Variants in TNNI3K observed in about 807,000 individuals in gnomAD.
The protein encoded by TNNI3K is TNNI3 interacting kinase.
A neutral mutation model predicts 114.5 loss-of-function variants in TNNI3K; 140 were observed. The ratio of observed to expected loss-of-function variants is 1.22; its 90% CI spans 1.07 to 1.41. TNNI3K has a LOEUF of 1.41. Ranked by LOEUF, TNNI3K falls within the 40% of genes most tolerant of loss-of-function variation. TNNI3K has a pLI of 0.00. For synonymous variants in TNNI3K, 347 were observed against 347.5 expected (o/e 1.00, Z 0.02); for missense variants, 1,125 against 1,007.6 (o/e 1.12, Z -1.58).
At chr1:74,534,760 G>T (rs1280137488) in intron 23 of TNNI3K, among the ~76,000 whole-genome samples, 2 of 152,074 alleles carry the variant, frequency 1.3e-5, no homozygotes, top group South Asian at 4.1e-4. Flanking sequence ...TTGTTTAGCA[G>T]TTCTGGATTT....
intron 3 of TNNI3K, 24 bp from the exon 4 acceptor site, chr1:74,250,648 C>G: frequency 6.2e-7 from 1 of 1,604,802 alleles, no homozygotes; most frequent in South Asian, 1.1e-5. Context: ...AATGATTTAG[C>G]CTTTTTTCAT....
At chr1:74,325,479 T>C (rs776607301) in intron 5 of TNNI3K, among the ~76,000 whole-genome samples, 1 of 152,164 alleles carries the variant, frequency 6.6e-6, no homozygotes, top group Non-Finnish European at 1.5e-5. Context: ...AGAAACTGTG[T>C]CCCTGGTGAC....
chr1:74,349,927 T>C (rs555981436), intron 9 of TNNI3K, among the ~76,000 whole-genome samples: 73 of 152,350 alleles, frequency 4.8e-4, no homozygotes, highest in Non-Finnish European at 7.6e-4. Context: ...AACCAGCTCC[T>C]GGATTCATTG....
intron 21 of TNNI3K, 67 bp downstream of exon 21, chr1:74,463,617 C>T: frequency 1.3e-6 from 2 of 1,551,748 alleles, no homozygotes; most frequent in Non-Finnish European, 1.8e-6. Flanking sequence ...TAGTATAACT[C>T]CAAAGTCTAC....
intron 23 of TNNI3K, among the ~76,000 whole-genome samples, chr1:74,506,194 A>T (rs1334602404): frequency 2.0e-5 from 3 of 152,256 alleles, no homozygotes; most frequent in African/African-American, 7.2e-5. Context: ...TCTGTGACAT[A>T]GAACAGAAAT....
At chr1:74,251,505 A>C (rs954046717) in intron 4 of TNNI3K, among the ~76,000 whole-genome samples, 3 of 152,228 alleles carry the variant, frequency 2.0e-5, no homozygotes, top group Non-Finnish European at 4.4e-5. Flanking sequence ...ACTTTACAGA[A>C]AATGCAATTA....
chr1:74,305,353 A>G (rs1044885450), intron 5 of TNNI3K, among the ~76,000 whole-genome samples: 3 of 152,210 alleles, frequency 2.0e-5, no homozygotes, highest in African/African-American at 7.2e-5. Context: ...ACATGCTTTC[A>G]GGATCAATAC....
chr1:74,352,033 G>A (rs150455826), intron 9 of TNNI3K, among the ~76,000 whole-genome samples: 3,769 of 152,270 alleles, frequency 0.025, 170 homozygotes, highest in African/African-American at 0.087. Context: ...CTTTGGAGGA[G>A]GAGAGGTGCT....
chr1:74,534,668 A>G (rs1035251426), intron 23 of TNNI3K, among the ~76,000 whole-genome samples: 1 of 152,218 alleles, frequency 6.6e-6, no homozygotes, highest in African/African-American at 2.4e-5. Context: ...GGATTAAATT[A>G]CATAGAGTTT....
At chr1:74,264,588 T>G (rs1423723189) in intron 4 of TNNI3K, among the ~76,000 whole-genome samples, 2 of 152,138 alleles carry the variant, frequency 1.3e-5, no homozygotes, top group African/African-American at 4.8e-5. Context: ...TTTATTTATA[T>G]GTCCCTATTT....
At chr1:74,347,353 G>C (rs1661068034) in intron 9 of TNNI3K, among the ~76,000 whole-genome samples, 1 of 151,924 alleles carries the variant, frequency 6.6e-6, no homozygotes, top group South Asian at 2.1e-4. Flanking sequence ...TGGCTGCATA[G>C]TATTCCATGG....
chr1:74,401,710 C>T, intron 17 of TNNI3K: 2 of 366,316 alleles, frequency 5.5e-6, no homozygotes, highest in Non-Finnish European at 1.1e-5. Flanking sequence ...GAGAAAATAA[C>T]AGAAGAAATA....
intron 17 of TNNI3K, among the ~76,000 whole-genome samples, chr1:74,430,456 A>G (rs1198482951): frequency 6.6e-6 from 1 of 152,134 alleles, no homozygotes. Context: ...AACACAACAC[A>G]CACACATATG....
At chr1:74,524,534 A>G (rs1646477245) in intron 23 of TNNI3K, among the ~76,000 whole-genome samples, 1 of 152,090 alleles carries the variant, frequency 6.6e-6, no homozygotes, top group Non-Finnish European at 1.5e-5. Flanking sequence ...AGTCACATAA[A>G]TCTCTTCTGG....
chr1:74,543,797 T>C (rs761164090), intron 24 of TNNI3K, 109 bp from the exon 25 acceptor site: 3 of 1,210,716 alleles, frequency 2.5e-6, no homozygotes, highest in Non-Finnish European at 3.6e-6. Flanking sequence ...TTGTCCAGAT[T>C]GTCTGTTCAC....
At chr1:74,250,831 C>CA in intron 4 of TNNI3K, 62 bp downstream of exon 4, 1 of 959,738 alleles carries the variant, frequency 1.0e-6, no homozygotes, top group Non-Finnish European at 1.4e-6. Flanking sequence ...TATCTTTAGG[C>CA]TTTTTTTTTT....
intron 11 of TNNI3K, among the ~76,000 whole-genome samples, chr1:74,361,220 C>T (rs1274530360): frequency 6.6e-6 from 1 of 151,978 alleles, no homozygotes; most frequent in East Asian, 1.9e-4. Context: ...CAAAAATTTT[C>T]TTCTGGTTGG....
chr1:74,451,683 T>TATC (rs1311984002), intron 20 of TNNI3K, among the ~76,000 whole-genome samples: 16 of 76,262 alleles, frequency 2.1e-4, no homozygotes, highest in African/African-American at 6.6e-4. Context: ...TTTTCTTTTC[T>TATC]TTTCTTTCTT....
intron 17 of TNNI3K, among the ~76,000 whole-genome samples, chr1:74,425,154 C>G (rs1665576532): frequency 6.6e-6 from 1 of 152,030 alleles, no homozygotes; most frequent in Non-Finnish European, 1.5e-5. Context: ...GCAGAAGGGC[C>G]TGGCTTAGGC....
Sources: gnomAD v4.1 joint callset for allele counts (sites outside exome capture counted in the v4.1 genomes callset) on GRCh38, gnomAD v4.1.1 for gene constraint, MANE v1.5 for transcripts, NCBI Gene and HGNC (gene_info 2026-07-23, HGNC 2026-07-21) for gene names.